The following ZRANB3 variants were observed in gnomAD, a reference collection of about 807,000 sequenced individuals.
ZRANB3 encodes zinc finger RANBP2-type containing 3, also known as DNA annealing helicase and endonuclease ZRANB3.
ZRANB3 carries 125 observed loss-of-function variants against 133.8 expected under a neutral mutation model. The observed-to-expected ratio is 0.93, with a 90% CI of 0.81 to 1.08. The LOEUF is 1.08. Among genes scored for constraint, ZRANB3 ranks in the 50% least tolerant of loss-of-function variants. The probability of loss-of-function intolerance (pLI) is 0.00; values close to 1 mark genes in which losing one functional copy is unlikely to be tolerated. For missense variants in ZRANB3, 1,229 were observed against 1,275.5 expected (o/e 0.96, Z 0.56); for synonymous variants, 387 against 432.7 (o/e 0.89, Z 1.31).
At chr2:135,235,703 T>C (rs1414271631) in intron 12 of ZRANB3, among the ~76,000 whole-genome samples, 8 of 150,396 alleles carry the variant, frequency 5.3e-5, no homozygotes, top group Non-Finnish European at 1.0e-4. Flanking sequence ...ATTATCTCAA[T>C]AGATGCAGAA....
At chr2:135,465,737 C>T (rs1479922382) in intron 2 of ZRANB3, among the ~76,000 whole-genome samples, 1 of 152,140 alleles carries the variant, frequency 6.6e-6, no homozygotes, top group Admixed American at 6.5e-5. Flanking sequence ...AGGCAACCTA[C>T]AGAATGGGAG....
In ZRANB3 at chr2:135,265,664, A is replaced by G; in HGVS notation, c.1409T>C (p.Leu470Pro). Residue 470 changes from leucine (L) to proline (P), a missense_variant, in exon 12 of 21, where the codon CTG becomes CCG. Transcript: ENST00000264159. ...CTGAATTTTTTCTTTCCTACCGTTC[A>G]GTGTGCTCCCTGTAACTTGAGCCTA... is the stretch of plus-strand genomic sequence containing the variant. ...NRKAQVTGST[L>P]NGRKEKIQAE... is the part of the protein sequence containing the mutation. The G allele has an allele frequency of 6.2e-7, 1 of 1,613,610 alleles. No homozygotes were observed. The highest frequency in any genetic ancestry group is 8.5e-7 in the Non-Finnish European group (1 of 1,179,730).
At chr2:135,362,197 C>CAA (rs1274331901) in intron 3 of ZRANB3, among the ~76,000 whole-genome samples, 4 of 73,074 alleles carry the variant, frequency 5.5e-5, no homozygotes, top group Non-Finnish European at 1.2e-4. Context: ...GACTCCGTCT[C>CAA]AAAAAAAAAA....
intron 12 of ZRANB3, among the ~76,000 whole-genome samples, chr2:135,239,571 T>C (rs561525322): frequency 1.3e-5 from 2 of 152,354 alleles, no homozygotes; most frequent in African/African-American, 4.8e-5. Flanking sequence ...TGCTAATTTA[T>C]ACGTTCTCAA....
At chr2:135,432,692 G>A (rs1428404388) in intron 2 of ZRANB3, among the ~76,000 whole-genome samples, 2 of 152,136 alleles carry the variant, frequency 1.3e-5, no homozygotes, top group Non-Finnish European at 2.9e-5. Context: ...CCCTCCTCTA[G>A]GCTTCAGCTG....
intron 7 of ZRANB3, among the ~76,000 whole-genome samples, chr2:135,313,894 C>T (rs769370142): frequency 4.7e-4 from 72 of 152,102 alleles, no homozygotes; most frequent in Non-Finnish European, 7.9e-4. Context: ...GACAGAGTCT[C>T]GCTCTTGTTG....
At chr2:135,247,205 T>C (rs1388866337) in intron 12 of ZRANB3, among the ~76,000 whole-genome samples, 1 of 152,236 alleles carries the variant, frequency 6.6e-6, no homozygotes, top group East Asian at 1.9e-4. Context: ...CCACAGAGGA[T>C]TGATGATTGG....
At chr2:135,530,884 T>C (rs1314829551) in intron 1 of ZRANB3, among the ~76,000 whole-genome samples, 2 of 152,068 alleles carry the variant, frequency 1.3e-5, no homozygotes, top group African/African-American at 2.4e-5. Flanking sequence ...GGAGAAGTTA[T>C]GAGTAGGGGA....
rs59739293 is a variant in ZRANB3 at position 135,287,670 on chromosome 2, C to CTTTTTTTTTTTTTT, written c.967-11929_967-11916dup. ...GTCCTTGGTTAGGTATATTTCTTTC[C>CTTTTTTTTTTTTTT]TTTTTTTTTTTTTTTTTTGCAGCTA... On this transcript the variant is annotated intron_variant, in intron 8 of 20. Transcript: ENST00000264159. 6.5e-4 allele frequency among the ~76,000 whole-genome samples: 64 copies of CTTTTTTTTTTTTTT among 98,034 alleles called. 4 individuals are homozygous for CTTTTTTTTTTTTTT. Among genetic ancestry groups the CTTTTTTTTTTTTTT allele is most frequent in the South Asian group, 2.2e-3 (6 of 2,682 alleles). 64.3% of individuals were successfully genotyped at this position (98,034 alleles called of 152,430 possible). A position where few individuals can be genotyped will look rare whatever the true frequency, so the allele number is the denominator to read the frequency against.
At chr2:135,352,074 G>T (rs560364952) in intron 4 of ZRANB3, among the ~76,000 whole-genome samples, 1 of 152,220 alleles carries the variant, frequency 6.6e-6, no homozygotes, top group Admixed American at 6.5e-5. Flanking sequence ...GCTCACGCCT[G>T]TAATCCCAGC....
At chr2:135,527,683 C>A (rs2104849994) in intron 1 of ZRANB3, among the ~76,000 whole-genome samples, 1 of 152,282 alleles carries the variant, frequency 6.6e-6, no homozygotes, top group African/African-American at 2.4e-5. Flanking sequence ...TAGAGCTATA[C>A]AATAAAGTAG....
intron 1 of ZRANB3, among the ~76,000 whole-genome samples, chr2:135,512,638 T>C (rs889383169): frequency 6.6e-6 from 1 of 151,544 alleles, no homozygotes; most frequent in Non-Finnish European, 1.5e-5. Context: ...AGTAAAAGAA[T>C]TAAAAAAGAC....
At chr2:135,482,510 T>C (rs535352757) in intron 2 of ZRANB3, among the ~76,000 whole-genome samples, 119 of 150,452 alleles carry the variant, frequency 7.9e-4, no homozygotes, top group African/African-American at 2.8e-3. Flanking sequence ...CTTAAGGAGA[T>C]TTTGGGCTGA....
chr2:135,213,163 A>T (rs923692052), intron 17 of ZRANB3, among the ~76,000 whole-genome samples: 5 of 152,314 alleles, frequency 3.3e-5, no homozygotes, highest in Admixed American at 6.5e-5. Flanking sequence ...GAAATCCTCT[A>T]ACGTCCTGCT....
At chr2:135,380,272 A>C (rs1385882830) in intron 3 of ZRANB3, among the ~76,000 whole-genome samples, 1 of 152,210 alleles carries the variant, frequency 6.6e-6, no homozygotes, top group Non-Finnish European at 1.5e-5. Flanking sequence ...AAGGTTAACA[A>C]GGATATCCAG....
chr2:135,255,281 C>T (rs533868562), intron 12 of ZRANB3, among the ~76,000 whole-genome samples: 1 of 152,154 alleles, frequency 6.6e-6, no homozygotes, highest in South Asian at 2.1e-4. Flanking sequence ...CACAGACACA[C>T]ACACACACAC....
intron 3 of ZRANB3, among the ~76,000 whole-genome samples, chr2:135,389,163 T>C (rs568118293): frequency 6.6e-6 from 1 of 152,340 alleles, no homozygotes; most frequent in Admixed American, 6.5e-5. Flanking sequence ...AATTTCTGTT[T>C]ATTGTTTCCC....
At chr2:135,355,033 A>T (rs1685368699) in intron 3 of ZRANB3, among the ~76,000 whole-genome samples, 1 of 152,232 alleles carries the variant, frequency 6.6e-6, no homozygotes, top group African/African-American at 2.4e-5. Context: ...AAATGCAGAA[A>T]CTGAAAACAA....
intron 1 of ZRANB3, among the ~76,000 whole-genome samples, chr2:135,528,864 G>GATCT (rs111629633): frequency 0.19 from 28,730 of 152,068 alleles, 3,587 homozygotes; most frequent in South Asian, 0.33. Context: ...ATTGGACACA[G>GATCT]ATTAGTGCTT....
Sources: gnomAD v4.1 joint callset for allele counts (sites outside exome capture counted in the v4.1 genomes callset) on GRCh38, gnomAD v4.1.1 for gene constraint, MANE v1.5 for transcripts, NCBI Gene and HGNC (gene_info 2026-07-23, HGNC 2026-07-21) for gene names.